The following MOV10L1 variants were observed in gnomAD, a reference collection of about 807,000 sequenced individuals.
The protein encoded by MOV10L1 is Mov10 like RNA helicase 1.
MOV10L1 carries 110 observed loss-of-function variants against 143.8 expected under a neutral mutation model. The observed-to-expected ratio is 0.76, with a 90% CI of 0.66 to 0.90. The LOEUF (loss-of-function observed/expected upper bound fraction) is 0.90. Ranked by LOEUF, MOV10L1 falls within the 40% of genes least tolerant of loss-of-function variation. MOV10L1 has a pLI of 0.00. For synonymous variants in MOV10L1, 593 were observed against 581.1 expected, an observed-to-expected ratio of 1.02 and a Z score of -0.29; for missense variants, 1,406 against 1,526.8, an observed-to-expected ratio of 0.92 and a Z score of 1.32.
intron 1 of MOV10L1, chr22:50,090,484 C>G: frequency 6.2e-7 from 1 of 1,610,402 alleles, no homozygotes; most frequent in Non-Finnish European, 8.5e-7. Flanking sequence ...CCATGTCGTT[C>G]CTCCCTGTCC....
intron 7 of MOV10L1, among the ~76,000 whole-genome samples, chr22:50,114,885 C>T (rs1027488543): frequency 5.9e-5 from 9 of 152,198 alleles, no homozygotes; most frequent in East Asian, 1.9e-4. Flanking sequence ...TTGCTGGGCG[C>T]GCCGGGGCAG....
chr22:50,108,621 A>G (rs1415699169), intron 4 of MOV10L1, 36 bp from the exon 5 acceptor site: 1 of 1,610,236 alleles, frequency 6.2e-7, no homozygotes. Flanking sequence ...GTCATGCAGC[A>G]TCTGCTTCCT....
chr22:50,093,661 A>G (rs1286044400), intron 2 of MOV10L1: 1 of 152,172 alleles, frequency 6.6e-6, no homozygotes, highest in East Asian at 1.9e-4. Context: ...GGTGTACACC[A>G]TCATACCTGA....
At position 50,117,341 on chromosome 22, in the gene MOV10L1, G is replaced by T. The variant is rs142027176; in HGVS notation, c.1444G>T (p.Ala482Ser). The change falls in exon 9 of 27, where the codon GCA (alanine) becomes TCA (serine). Residue 482 changes from alanine (A) to serine (S), a missense_variant. Coordinates refer to ENST00000262794, the MANE Select transcript of MOV10L1 (RefSeq NM_018995.3). ...CGCAAAAACTACAGTTGTTGTGACC[G>T]CACAGAAAAGGTACCATAACTGAAA... ...TSAKTTVVVT[A>S]QKRNSRRQLP... The T allele has an allele frequency of 3.2e-5, 51 of 1,612,882 alleles. No individual in the cohort carries two copies. In the African/African-American group the frequency reaches 4.7e-4, roughly 15 times the overall value.
In MOV10L1 at chr22:50,103,095, T is replaced by G. The variant is rs2061786670; in HGVS notation, c.442+3493T>G. 2.6e-5 allele frequency among the ~76,000 whole-genome samples: 4 copies of G among 152,068 alleles called. No homozygotes were observed. In the South Asian group the frequency reaches 8.3e-4, roughly 31 times the overall value. On this transcript the variant is annotated intron_variant, in intron 3 of 26. Coordinates refer to ENST00000262794, the MANE Select transcript of MOV10L1 (RefSeq NM_018995.3). ...AGCCGGCCTGGGTCAGGTTCTGTCC[T>G]AAACACAACCCTCTGAGGTTACCTA...
intron 15 of MOV10L1, 24 bp from the exon 16 acceptor site, chr22:50,142,057 A>G (rs372191493): frequency 1.3e-6 from 2 of 1,599,296 alleles, no homozygotes; most frequent in African/African-American, 2.7e-5. Context: ...TTTTTAAAAC[A>G]TTTTTCTGCC....
intron 3 of MOV10L1, among the ~76,000 whole-genome samples, chr22:50,104,363 G>A (rs1285781393): frequency 6.6e-6 from 1 of 152,220 alleles, no homozygotes; most frequent in Non-Finnish European, 1.5e-5. Flanking sequence ...TGGTGCTTGT[G>A]GAAAGCACTA....
In MOV10L1 at chr22:50,114,463, C is replaced by G; in HGVS notation, c.967C>G (p.Leu323Val). The G allele has an allele frequency of 6.2e-7, 1 of 1,614,162 alleles. No individual in the cohort carries two copies. Among genetic ancestry groups the G allele is most frequent in the Non-Finnish European group, 8.5e-7 (1 of 1,180,032 alleles). The part of the protein sequence containing the change: ...DKSKQFRFQM[L>V]DKDQMCPVVS... ...ATCTAAACAATTCAGATTCCAAATG[C>G]TGGATAAAGACCAGATGTGCCCCGT... Residue 323 changes from leucine (L) to valine (V), a missense_variant, in exon 7 of 27, where the codon CTG becomes GTG. Transcript: ENST00000262794.
At chr22:50,090,339 C>A in intron 1 of MOV10L1, 154 bp downstream of exon 1, 2 of 1,501,120 alleles carry the variant, frequency 1.3e-6, no homozygotes, top group Non-Finnish European at 1.8e-6. Context: ...TCCCCGTTCG[C>A]CTCAGGAGGC....
chr22:50,123,323 T>C (rs1034768946), intron 10 of MOV10L1, among the ~76,000 whole-genome samples: 2 of 152,180 alleles, frequency 1.3e-5, no homozygotes, highest in Non-Finnish European at 2.9e-5. Flanking sequence ...ATCCTTGCAT[T>C]CCAGGAATAA....
rs772125919 is a variant in MOV10L1 at position 50,120,598 on chromosome 22, C to T, written c.1551C>T (p.Phe517=). The T allele has an allele frequency of 3.1e-6, 5 of 1,610,578 alleles. No individual in the cohort carries two copies. Among genetic ancestry groups the T allele is most frequent in the South Asian group, 2.2e-5 (2 of 90,804 alleles). Residue 517 remains phenylalanine, a synonymous_variant, in exon 10 of 27, where the codon TTC becomes TTT. Coordinates refer to ENST00000262794, the MANE Select transcript of MOV10L1 (RefSeq NM_018995.3). The part of the protein sequence containing the change: ...CVEQKIDILT[F]QPLLAELLNM... ...AACAAAAAATTGACATCCTGACTTT[C>T]CAGCCATTACTTGCAGAGGTAGGAA...
intron 3 of MOV10L1, among the ~76,000 whole-genome samples, chr22:50,106,435 G>A (rs534937865): frequency 6.9e-6 from 1 of 145,196 alleles, no homozygotes; most frequent in Non-Finnish European, 1.5e-5. Flanking sequence ...CAAAGTGCTA[G>A]AAATCTTTAC....
At chr22:50,102,732 T>C (rs1469989137) in intron 3 of MOV10L1, among the ~76,000 whole-genome samples, 1 of 151,950 alleles carries the variant, frequency 6.6e-6, no homozygotes, top group Admixed American at 6.6e-5. Context: ...AGAAACCCCG[T>C]CTCTACTAAA....
intron 11 of MOV10L1, among the ~76,000 whole-genome samples, 157 bp downstream of exon 11, chr22:50,125,726 G>A (rs1305271658): frequency 6.6e-6 from 1 of 152,102 alleles, no homozygotes; most frequent in African/African-American, 2.4e-5. Flanking sequence ...TGTACATCAA[G>A]CATGTTTCTT....
chr22:50,113,255 A>G (rs2062071854), intron 5 of MOV10L1, among the ~76,000 whole-genome samples: 1 of 152,210 alleles, frequency 6.6e-6, no homozygotes, highest in African/African-American at 2.4e-5. Context: ...TTCCAAAGCA[A>G]GTTTAGTGGA....
chr22:50,158,893 G>C lies in MOV10L1; in HGVS notation c.3216+687G>C, dbSNP rs1456960742. 1 of 152,184 alleles carries C rather than the reference G, an allele frequency of 6.6e-6. No homozygotes were observed. Among genetic ancestry groups the C allele is most frequent in the African/African-American group, 2.4e-5 (1 of 41,438 alleles). The allele number at this position is 152,184 out of a possible 1,614,324, so 9.4% of individuals were successfully genotyped here. On this transcript the variant is annotated intron_variant, in intron 23 of 26. Coordinates refer to ENST00000262794, the MANE Select transcript of MOV10L1 (RefSeq NM_018995.3). This position sits in a 1 kb window ranked among gnomAD's most constrained non-coding sequence, Gnocchi z 5.0. ...GTTATGTTTCCTTTTTTCTGACCTC[G>C]GGGACTCGAGAGGTGAGTGCTTAGT...
chr22:50,104,445 G>A (rs928535125), intron 3 of MOV10L1, among the ~76,000 whole-genome samples: 3 of 152,198 alleles, frequency 2.0e-5, no homozygotes, highest in Non-Finnish European at 4.4e-5. Flanking sequence ...CTTTGGAGGC[G>A]TCTGTCCTTC....
chr22:50,092,243 T>C lies in MOV10L1; in HGVS notation c.282+58T>C, dbSNP rs561535618. 1.2e-4 allele frequency: 173 copies of C among 1,493,942 alleles called. 2 individuals carry two copies. In the South Asian group the frequency reaches 1.8e-3, roughly 15 times the overall value. 92.5% of individuals were successfully genotyped at this position (1,493,942 alleles called of 1,614,324 possible). On this transcript the variant is annotated intron_variant, in intron 2 of 26. Transcript: ENST00000262794. ...CTTCGCCACGGGACTTTGTGTTGTT[T>C]TTCCTTGTGTTTAATCTATCAGACA...
In MOV10L1 at chr22:50,161,036, G is replaced by A. The variant is rs1427801583; in HGVS notation, c.3535G>A (p.Ala1179Thr). ...GVYMGCDLPPALQSLQNCGEG... is the reference protein window; with the variant it reads ...GVYMGCDLPPTLQSLQNCGEG... ...TTACATGGGATGCGATTTACCTCCT[G>A]CACTGCAGTCTCTGCAAAAGTGAGC... Residue 1179 changes from alanine (A) to threonine (T), a missense_variant, in exon 26 of 27, where the codon GCA becomes ACA. Physicochemically the swap from Ala to Thr is moderately conservative, Grantham distance 58. Around this residue, in one of 3 missense-constraint regions of MOV10L1, gnomAD observed 1,233 missense variants for 1,351.4 expected, o/e 0.91. Transcript: ENST00000262794. 2 of 1,614,000 alleles carry A rather than the reference G, an allele frequency of 1.2e-6. No homozygotes were observed. Among genetic ancestry groups the A allele is most frequent in the Non-Finnish European group, 1.7e-6 (2 of 1,180,004 alleles).
Sources: gnomAD v4.1 joint callset for allele counts (sites outside exome capture counted in the v4.1 genomes callset) on GRCh38, gnomAD v4.1.1 for gene constraint, gnomAD v4.1.1 regional missense constraint, Gnocchi (gnomAD v3.1) non-coding constraint, MANE v1.5 for transcripts, NCBI Gene and HGNC (gene_info 2026-07-23, HGNC 2026-07-21) for gene names.